ACSM2B: variants seen among roughly 807,000 people sequenced by gnomAD.
ACSM2B encodes the protein acyl-CoA synthetase medium chain family member 2B.
In ACSM2B, 58 loss-of-function variants were observed where a neutral mutation model predicts 78.6. The ratio of observed to expected loss-of-function variants is 0.74; its 90% CI spans 0.60 to 0.92. The LOEUF is 0.92. Ranked by LOEUF, ACSM2B falls within the 40% of genes least tolerant of loss-of-function variation. The pLI is 0.00. For synonymous variants in ACSM2B, 257 were observed against 256.8 expected (o/e 1.00, Z -0.01); for missense variants, 688 against 711.2 (o/e 0.97, Z 0.37).
intron 3 of ACSM2B, among the ~76,000 whole-genome samples, chr16:20,556,361 G>T (rs2015474825): frequency 6.6e-6 from 1 of 152,164 alleles, no homozygotes; most frequent in Non-Finnish European, 1.5e-5. Flanking sequence ...TGGCACTTTT[G>T]GAGGCCAAGG....
At chr16:20,555,782 A>T (rs2015455670) in intron 3 of ACSM2B, among the ~76,000 whole-genome samples, 1 of 152,108 alleles carries the variant, frequency 6.6e-6, no homozygotes, top group Non-Finnish European at 1.5e-5. Context: ...CTCAAAAAAA[A>T]TTTTCTACAG....
rs781663184 is a variant in ACSM2B, at chr16:20,559,282, G to A, written c.343C>T (p.Arg115Ter). The stretch of plus-strand genomic sequence containing the variant: ...ATCACCAGCCACCACTCAGGCACTC[G>A]GGGCAGCATCACTGCCACACGATCC... ...RGDRVAVMLP[R>*]VPEWWLVILG... The change falls in exon 3 of 14, where the codon CGA becomes TGA. Residue 115 changes from arginine to a stop codon, truncating the protein, a stop_gained. Coordinates refer to ENST00000329697, the MANE Select transcript of ACSM2B (RefSeq NM_001105069.2). LOFTEE classifies it high-confidence loss of function. The A allele has an allele frequency of 1.3e-5, 21 of 1,613,440 alleles. No homozygotes were observed. The highest frequency in any genetic ancestry group is 4.0e-5 in the African/African-American group (3 of 74,814).
chr16:20,566,266 T>TATAA (rs1305012774), intron 1 of ACSM2B, among the ~76,000 whole-genome samples: 1 of 131,678 alleles, frequency 7.6e-6, no homozygotes, highest in African/African-American at 2.9e-5. Context: ...TATATATATA[T>TATAA]ATATATATAT....
At chr16:20,568,467 T>C (rs1001562271) in intron 1 of ACSM2B, among the ~76,000 whole-genome samples, 6 of 150,052 alleles carry the variant, frequency 4.0e-5, no homozygotes, top group African/African-American at 1.5e-4. Context: ...CTTTACTTGA[T>C]GATTGACAGG....
chr16:20,548,143 C>T lies in ACSM2B; in HGVS notation c.1017G>A (p.Glu339=), dbSNP rs374113110. Residue 339 remains glutamate (E), a synonymous_variant, in exon 8 of 14, where the codon GAG becomes GAA. Transcript: ENST00000329697. ...TCTCCAGAGTTTCTGGAAGAAGGGA[C>T]TCCCCTCCAGCGAGGCAGTTCTGTA... ...PHLQNCLAGG[E]SLLPETLENW... The T allele has an allele frequency of 2.7e-5, 44 of 1,613,916 alleles. No homozygotes were observed. The highest frequency in any genetic ancestry group is 3.3e-5 in the Non-Finnish European group (39 of 1,179,950).
chr16:20,567,381 TATA>T (rs561624145), intron 1 of ACSM2B, among the ~76,000 whole-genome samples: 2,428 of 118,198 alleles, frequency 0.021, 112 homozygotes, highest in African/African-American at 0.08. Context: ...TAATATATAG[TATA>T]ATATTACATA....
In ACSM2B at chr16:20,545,378, G is replaced by A. The variant is rs549646515; in HGVS notation, c.1180-120C>T. The A allele has an allele frequency of 6.6e-5, 81 of 1,220,926 alleles. 1 individual carries two copies. In the South Asian group the frequency reaches 1.1e-3, roughly 17 times the overall value. 75.6% of individuals were successfully genotyped at this position (1,220,926 alleles called of 1,614,324 possible). A position where few individuals can be genotyped will look rare whatever the true frequency, so the allele number is the denominator to read the frequency against. ...TCTTGCTCTAGTGGAGACTGAAAAC[G>A]ACAACCAAAAACCAAGGGAACCCAA... On this transcript the variant is annotated intron_variant, in intron 9 of 13. Coordinates refer to ENST00000329697, the MANE Select transcript of ACSM2B (RefSeq NM_001105069.2).
At chr16:20,553,139 T>C (rs1444932729) in intron 5 of ACSM2B, among the ~76,000 whole-genome samples, 1 of 152,190 alleles carries the variant, frequency 6.6e-6, no homozygotes, top group African/African-American at 2.4e-5. Context: ...AGATGGAACA[T>C]TTACATTTTC....
chr16:20,554,661 A>C (rs569527736), intron 4 of ACSM2B, among the ~76,000 whole-genome samples: 50 of 152,288 alleles, frequency 3.3e-4, no homozygotes, highest in African/African-American at 1.0e-3. Flanking sequence ...AAGGCCTCTG[A>C]CCTTGATCAG....
chr16:20,553,450 T>A (rs2152138106), intron 5 of ACSM2B, among the ~76,000 whole-genome samples: 1 of 152,326 alleles, frequency 6.6e-6, no homozygotes, highest in Admixed American at 6.5e-5. Context: ...GTGGGCGGTA[T>A]CAAAGCAAAT....
chr16:20,537,265 G>T lies in ACSM2B; in HGVS notation c.1727C>A (p.Ala576Glu), dbSNP rs574115845. Residue 576 changes from alanine (A) to glutamate (E), a missense_variant, in exon 14 of 14, where the codon GCG becomes GAG. Ala to Glu is a moderately radical substitution (Grantham distance 107, BLOSUM62 -1). Transcript: ENST00000329697. ...KEWKMSGKAR[A>E]Q is the part of the protein sequence containing the mutation. Reference sequence around the variant, plus strand: ...GAATGTCTCCTAGACGCCTCACTGCGCACGGGCTTTTCCGGACATCTTCCA... The same window carrying T: ...GAATGTCTCCTAGACGCCTCACTGCTCACGGGCTTTTCCGGACATCTTCCA... 6.2e-6 allele frequency: 10 copies of T among 1,613,874 alleles called. 1 individual carries two copies. The highest frequency in any genetic ancestry group is 2.2e-5 in the East Asian group (1 of 44,876).
At chr16:20,547,967 T>C (rs2152135001) in intron 8 of ACSM2B, 95 bp downstream of exon 8, 1 of 1,570,492 alleles carries the variant, frequency 6.4e-7, no homozygotes. Context: ...CTCAAATAAA[T>C]GAATGATACA....
intron 5 of ACSM2B, among the ~76,000 whole-genome samples, chr16:20,553,271 C>T (rs2015373326): frequency 1.3e-5 from 2 of 152,122 alleles, no homozygotes; most frequent in African/African-American, 4.8e-5. Flanking sequence ...CACAGTGTTT[C>T]CTGATTCCAC....
intron 11 of ACSM2B, 48 bp from the exon 12 acceptor site, chr16:20,543,061 G>C (rs1415021110): frequency 6.2e-7 from 1 of 1,612,688 alleles, no homozygotes; most frequent in African/African-American, 1.3e-5. Flanking sequence ...CGAACCTCTA[G>C]GCCATTCCGG....
At position 20,536,282 on chromosome 16, in the gene ACSM2B, T is replaced by C. The variant is rs768281048; in HGVS notation, c.*976A>G. 6.6e-6 allele frequency: 1 copy of C among 152,180 alleles called. No homozygotes were observed. The highest frequency in any genetic ancestry group is 1.5e-5 in the Non-Finnish European group (1 of 68,024). 9.4% of individuals were successfully genotyped at this position (152,180 alleles called of 1,614,324 possible). A position where few individuals can be genotyped will look rare whatever the true frequency, so the allele number is the denominator to read the frequency against. Reference sequence around the variant, plus strand: ...GATCTTGGTTTTAAAATTATTTTAATATTTGATTCTAGGAAGAGTAGATAA... The same window carrying C: ...GATCTTGGTTTTAAAATTATTTTAACATTTGATTCTAGGAAGAGTAGATAA... On this transcript the variant is annotated 3_prime_UTR_variant, in exon 14 of 14. Coordinates refer to ENST00000329697, the MANE Select transcript of ACSM2B (RefSeq NM_001105069.2).
At chr16:20,565,107 C>T (rs2015784261) in intron 1 of ACSM2B, among the ~76,000 whole-genome samples, 1 of 152,132 alleles carries the variant, frequency 6.6e-6, no homozygotes, top group African/African-American at 2.4e-5. Flanking sequence ...TGTTAACACC[C>T]ATTTCCATAT....
chr16:20,567,120 G>C (rs1382339672), intron 1 of ACSM2B, among the ~76,000 whole-genome samples: 3 of 133,412 alleles, frequency 2.2e-5, no homozygotes, highest in Non-Finnish European at 4.7e-5. Flanking sequence ...TAATAGTATA[G>C]TATATATAGA....
At chr16:20,561,169 G>A (rs1376545173) in intron 2 of ACSM2B, among the ~76,000 whole-genome samples, 1 of 152,054 alleles carries the variant, frequency 6.6e-6, no homozygotes, top group East Asian at 1.9e-4. Context: ...AGTGAAATTA[G>A]CCAGACACAA....
At position 20,567,017 on chromosome 16, in the gene ACSM2B, T is replaced by C. The variant is rs1039936726; in HGVS notation, c.-8-2164A>G. The stretch of plus-strand genomic sequence containing the variant: ...ATATATATCTGTGTATACACCATAT[T>C]GTTATATCTATAAATTCACTCAGAG... On this transcript the variant is annotated intron_variant, in intron 1 of 13. Coordinates refer to ENST00000329697, the MANE Select transcript of ACSM2B (RefSeq NM_001105069.2). Among the ~76,000 whole-genome samples, 38 of 125,404 alleles carry C rather than the reference T, an allele frequency of 3.0e-4. No individual in the cohort carries two copies. In the East Asian group the frequency reaches 8.0e-3, roughly 27 times the overall value. The allele number at this position is 125,404 out of a possible 152,430, so 82.3% of individuals were successfully genotyped here.
Sources: allele counts gnomAD v4.1 joint callset (sites outside exome capture counted in the v4.1 genomes callset), GRCh38; gene constraint gnomAD v4.1.1; transcripts MANE v1.5; gene names NCBI Gene and HGNC (gene_info 2026-07-23, HGNC 2026-07-21).